LIMK2: variants seen among roughly 807,000 people sequenced by gnomAD.
LIMK2 encodes the protein LIM domain kinase 2.
A neutral mutation model predicts 75.7 loss-of-function variants in LIMK2; 35 were observed. That is an observed-to-expected ratio of 0.46 (90% confidence interval 0.35 to 0.61). The LOEUF (loss-of-function observed/expected upper bound fraction) is 0.61. Among genes scored for constraint, LIMK2 ranks in the 20% least tolerant of loss-of-function variants. The pLI, the probability that LIMK2 is intolerant of heterozygous loss-of-function variation, is 0.00. For synonymous variants in LIMK2, 301 were observed against 319.2 expected (o/e 0.94, Z 0.61); for missense variants, 623 against 831.0 (o/e 0.75, Z 3.08).
chr22:31,276,456 CGG>C (rs912769788), intron 15 of LIMK2, among the ~76,000 whole-genome samples: 1 of 146,862 alleles, frequency 6.8e-6, no homozygotes, highest in Non-Finnish European at 1.5e-5. Flanking sequence ...AGCGCTTCGG[CGG>C]CGGCAGCCCC....
chr22:31,277,168 T>C, intron 15 of LIMK2: 1 of 1,612,842 alleles, frequency 6.2e-7, no homozygotes, highest in Non-Finnish European at 8.5e-7. Flanking sequence ...GAACGGTGGC[T>C]CCCATAGGAC....
chr22:31,232,265 A>AC (rs1004327635), intron 2 of LIMK2, among the ~76,000 whole-genome samples: 4 of 151,704 alleles, frequency 2.6e-5, no homozygotes, highest in Admixed American at 6.6e-5. Context: ...AAAAAAAAAA[A>AC]AAAACAGTAG....
At chr22:31,277,083 T>C in intron 15 of LIMK2, 1 of 1,613,974 alleles carries the variant, frequency 6.2e-7, no homozygotes, top group Non-Finnish European at 8.5e-7. Context: ...CCTTCATCTC[T>C]GGCCTGCTGG....
At chr22:31,241,326 A>G (rs918368101) in intron 2 of LIMK2, among the ~76,000 whole-genome samples, 1 of 152,228 alleles carries the variant, frequency 6.6e-6, no homozygotes, top group African/African-American at 2.4e-5. Context: ...CAGCTTTGTC[A>G]GTTCCTAGAC....
intron 1 of LIMK2, among the ~76,000 whole-genome samples, chr22:31,221,988 G>A (rs535025941): frequency 6.6e-6 from 1 of 152,188 alleles, no homozygotes; most frequent in African/African-American, 2.4e-5. Context: ...CAGAGAAATG[G>A]TGGGGGTGGA....
chr22:31,279,752 G>A lies in LIMK2; in HGVS notation c.*1311G>A, dbSNP rs1214557256. The A allele has an allele frequency of 6.6e-6, 1 of 152,244 alleles. No homozygotes were observed. The highest frequency in any genetic ancestry group is 1.5e-5 in the Non-Finnish European group (1 of 68,064). 9.4% of individuals were successfully genotyped at this position (152,244 alleles called of 1,614,324 possible). A position where few individuals can be genotyped will look rare whatever the true frequency, so the allele number is the denominator to read the frequency against. Reference sequence around the variant, plus strand: ...GGTATTAATGCAATGTGTGGTGGTTGTATTGGAGCAGGGGGAATTGATAAA... The same window carrying A: ...GGTATTAATGCAATGTGTGGTGGTTATATTGGAGCAGGGGGAATTGATAAA... On this transcript the variant is annotated 3_prime_UTR_variant, in exon 16 of 16. Coordinates refer to ENST00000331728, the MANE Select transcript of LIMK2 (RefSeq NM_005569.4).
chr22:31,238,888 A>G (rs189809345), intron 2 of LIMK2, among the ~76,000 whole-genome samples: 1 of 152,268 alleles, frequency 6.6e-6, no homozygotes, highest in Non-Finnish European at 1.5e-5. Context: ...TATCCGAAGC[A>G]TTTTTCCCAG....
At chr22:31,237,518 C>T (rs547325683) in intron 2 of LIMK2, among the ~76,000 whole-genome samples, 2 of 150,262 alleles carry the variant, frequency 1.3e-5, no homozygotes, top group Non-Finnish European at 1.5e-5. Flanking sequence ...GTGCTGAGAT[C>T]GCGCCACTGC....
At chr22:31,267,966 A>G (rs1477573643) in intron 10 of LIMK2, 59 bp downstream of exon 10, 6 of 1,573,508 alleles carry the variant, frequency 3.8e-6, no homozygotes, top group Non-Finnish European at 5.2e-6. Flanking sequence ...CACCTATGCT[A>G]TCACTACCCT....
chr22:31,212,334 AG>A lies in LIMK2; in HGVS notation c.-71del. 1 of 1,302,362 alleles carries A rather than the reference AG, an allele frequency of 7.7e-7. No homozygotes were observed. The highest frequency in any genetic ancestry group is 3.1e-5 in the South Asian group (1 of 32,732). The allele number at this position is 1,302,362 out of a possible 1,614,324, so 80.7% of individuals were successfully genotyped here. On this transcript the variant is annotated 5_prime_UTR_variant, in exon 1 of 16. Coordinates refer to ENST00000331728, the MANE Select transcript of LIMK2 (RefSeq NM_005569.4). ...CCTGAGGCGGCGGCGGCAGGAGCTGAGGGGAGTTGTAGGGAACTGAGGGGAG... is the reference window on the plus strand; with the variant it reads ...CCTGAGGCGGCGGCGGCAGGAGCTGAGGGAGTTGTAGGGAACTGAGGGGAG...
At chr22:31,276,813 G>C (rs763917687) in intron 15 of LIMK2, 4 of 1,611,266 alleles carry the variant, frequency 2.5e-6, no homozygotes, top group Non-Finnish European at 3.4e-6. Flanking sequence ...CCGCAGGAGA[G>C]GGCCCGGGCT....
Position 31,278,523 on chromosome 22 carries a change from TC to T in LIMK2, c.*84del. 7.1e-7 allele frequency: 1 copy of T among 1,411,886 alleles called. No homozygotes were observed. Among genetic ancestry groups the T allele is most frequent in the Non-Finnish European group, 9.4e-7 (1 of 1,061,158 alleles). 87.5% of individuals were successfully genotyped at this position (1,411,886 alleles called of 1,614,324 possible). ...CCCATTCCTGCTGTGAGCAGGGCCG[TC>T]CGGGCTTCCTGTGGATTGGCGGAAT... On this transcript the variant is annotated 3_prime_UTR_variant, in exon 16 of 16. Transcript: ENST00000331728.
intron 2 of LIMK2, among the ~76,000 whole-genome samples, chr22:31,257,161 G>T (rs2048792809): frequency 6.7e-6 from 1 of 149,706 alleles, no homozygotes; most frequent in Non-Finnish European, 1.5e-5. Context: ...CAAAGTGCTG[G>T]GATTAGAGGC....
chr22:31,216,973 T>C (rs1467405611), intron 1 of LIMK2, among the ~76,000 whole-genome samples: 1 of 152,234 alleles, frequency 6.6e-6, no homozygotes, highest in Non-Finnish European at 1.5e-5. Flanking sequence ...TTACATTGAA[T>C]AGTAACTAGA....
At chr22:31,236,608 C>CAA (rs929179978) in intron 2 of LIMK2, among the ~76,000 whole-genome samples, 16 of 91,048 alleles carry the variant, frequency 1.8e-4, no homozygotes, top group African/African-American at 5.1e-4. Flanking sequence ...GACCCTATCT[C>CAA]AAAAAAAAAA....
At chr22:31,276,445 A>G (rs951569621) in intron 15 of LIMK2, among the ~76,000 whole-genome samples, 14 of 136,856 alleles carry the variant, frequency 1.0e-4, no homozygotes, top group African/African-American at 3.5e-4. Flanking sequence ...CGGATAGAGA[A>G]AGCGCTTCGG....
chr22:31,273,100 G>A (rs2123864289), intron 13 of LIMK2: 2 of 920,440 alleles, frequency 2.2e-6, no homozygotes, highest in South Asian at 5.0e-5. Flanking sequence ...CTCAGAAATG[G>A]TCTGAATACA....
intron 2 of LIMK2, among the ~76,000 whole-genome samples, chr22:31,241,016 G>T (rs1037833701): frequency 7.2e-5 from 11 of 152,182 alleles, no homozygotes; most frequent in Non-Finnish European, 1.5e-4. Flanking sequence ...ATGAAATCAA[G>T]TGGAAAAGCA....
chr22:31,249,782 G>GT (rs1378769073), intron 2 of LIMK2, among the ~76,000 whole-genome samples: 4 of 152,172 alleles, frequency 2.6e-5, no homozygotes, highest in African/African-American at 9.7e-5. Context: ...GCACCATGTG[G>GT]TTTTGTGGAA....
Sources: allele counts gnomAD v4.1 joint callset (sites outside exome capture counted in the v4.1 genomes callset), GRCh38; gene constraint gnomAD v4.1.1; transcripts MANE v1.5; gene names NCBI Gene and HGNC (gene_info 2026-07-23, HGNC 2026-07-21).